Variants in GPC5 observed in about 807,000 individuals in gnomAD.
GPC5 encodes glypican 5.
Under a neutral mutation model 53.9 loss-of-function variants are expected in GPC5, and 47 were observed. That is an observed-to-expected ratio of 0.87 (90% confidence interval 0.69 to 1.11). The LOEUF (loss-of-function observed/expected upper bound fraction) is 1.11. Ranked by LOEUF, GPC5 falls within the 50% of genes most tolerant of loss-of-function variation. The probability of loss-of-function intolerance (pLI) is 0.00; values close to 1 mark genes in which losing one functional copy is unlikely to be tolerated. For synonymous variants in GPC5, 286 were observed against 263.3 expected (o/e 1.09, Z -0.84); for missense variants, 748 against 713.1 (o/e 1.05, Z -0.56).
chr13:91,987,518 G>C (rs2040419686), intron 6 of GPC5, among the ~76,000 whole-genome samples: 1 of 151,954 alleles, frequency 6.6e-6, no homozygotes, highest in Non-Finnish European at 1.5e-5. Context: ...GAGAAGTGTT[G>C]CTTTTTTATA....
In GPC5 at chr13:92,705,222, T is replaced by A. The variant is rs1176317349; in HGVS notation, c.1562-161060T>A. Among the ~76,000 whole-genome samples, 5 of 152,228 alleles carry A rather than the reference T, an allele frequency of 3.3e-5. No homozygotes were observed. The East Asian group carries it at 9.7e-4, about 29-fold the overall frequency. ...TTATTTAGCTATTCATTCAAATAAG[T>A]TTTGAATTTAGTGTAGTAAGGTAAA... On this transcript the variant is annotated intron_variant, in intron 7 of 7. Transcript: ENST00000377067.
At chr13:92,023,271 G>A (rs2040773838) in intron 6 of GPC5, among the ~76,000 whole-genome samples, 1 of 151,788 alleles carries the variant, frequency 6.6e-6, no homozygotes, top group African/African-American at 2.4e-5. Flanking sequence ...ATGAACAATT[G>A]GAAGACGTCA....
chr13:91,503,808 A>ATCATC (rs1566457644), intron 2 of GPC5, among the ~76,000 whole-genome samples: 1,534 of 145,092 alleles, frequency 0.011, 31 homozygotes, highest in African/African-American at 0.038. Context: ...TAATAATAAT[A>ATCATC]ATAATAATAA....
chr13:91,518,006 A>T (rs1030050196), intron 2 of GPC5, among the ~76,000 whole-genome samples: 1 of 152,226 alleles, frequency 6.6e-6, no homozygotes, highest in African/African-American at 2.4e-5. Context: ...ATTTCGGCGA[A>T]GACACAGCCA....
At chr13:92,396,631 C>G (rs1875290206) in intron 7 of GPC5, among the ~76,000 whole-genome samples, 1 of 152,148 alleles carries the variant, frequency 6.6e-6, no homozygotes, top group Admixed American at 6.5e-5. Flanking sequence ...CAACCCATCA[C>G]TTAGGCGTTA....
At chr13:92,188,039 T>C (rs912475304) in intron 7 of GPC5, among the ~76,000 whole-genome samples, 1 of 152,202 alleles carries the variant, frequency 6.6e-6, no homozygotes, top group Non-Finnish European at 1.5e-5. Context: ...GATATGACAG[T>C]ACCTACTTTG....
chr13:91,948,728 A>G lies in GPC5; in HGVS notation c.1401+40671A>G, dbSNP rs185437409. On this transcript the variant is annotated intron_variant, in intron 6 of 7. Coordinates refer to ENST00000377067, the MANE Select transcript of GPC5 (RefSeq NM_004466.6). ...ATGGCTAGATTTTGGCACATGTGAT[A>G]AGTACTTCAATCCATTTTGTAACAA... 2.6e-3 allele frequency among the ~76,000 whole-genome samples: 389 copies of G among 152,324 alleles called. 3 individuals are homozygous for G. Among genetic ancestry groups the G allele is most frequent in the Admixed American group, 4.0e-3 (61 of 15,298 alleles).
rs571557033 is a variant in GPC5, at chr13:91,426,078, G to T, written c.164-22683G>T. Among the ~76,000 whole-genome samples, 4 of 152,250 alleles carry T rather than the reference G, an allele frequency of 2.6e-5. No homozygotes were observed. In the South Asian group the frequency reaches 6.2e-4, roughly 24 times the overall value. On this transcript the variant is annotated intron_variant, in intron 1 of 7. Coordinates refer to ENST00000377067, the MANE Select transcript of GPC5 (RefSeq NM_004466.6). ...AACTTATCTTTAAAAGGGAAACAGA[G>T]CATAAAATGCTGGAAAATTTGCAGC...
At chr13:92,425,118 A>C (rs925459994) in intron 7 of GPC5, among the ~76,000 whole-genome samples, 14 of 151,934 alleles carry the variant, frequency 9.2e-5, no homozygotes, top group African/African-American at 3.4e-4. Context: ...CCTTCCCGTG[A>C]TGCCCATCAA....
At chr13:92,630,896 A>G (rs1885214127) in intron 7 of GPC5, among the ~76,000 whole-genome samples, 1 of 152,026 alleles carries the variant, frequency 6.6e-6, no homozygotes, top group Non-Finnish European at 1.5e-5. Flanking sequence ...ATTTCTCTTT[A>G]TGACACAAAT....
intron 6 of GPC5, among the ~76,000 whole-genome samples, chr13:92,139,685 A>AAAAT: frequency 6.7e-6 from 1 of 149,312 alleles, no homozygotes. Context: ...AAAAAAAAAA[A>AAAAT]GTGTTATATT....
At chr13:91,815,623 C>T (rs1327128008) in intron 5 of GPC5, among the ~76,000 whole-genome samples, 1 of 152,122 alleles carries the variant, frequency 6.6e-6, no homozygotes, top group Non-Finnish European at 1.5e-5. Context: ...GGTATCCTCC[C>T]TCCAGCTGCT....
At chr13:91,626,348 G>C (rs1353797640) in intron 2 of GPC5, among the ~76,000 whole-genome samples, 1 of 152,116 alleles carries the variant, frequency 6.6e-6, no homozygotes, top group Non-Finnish European at 1.5e-5. Context: ...TCCTTGCTCA[G>C]GCATGTACTG....
At chr13:91,988,548 C>T (rs994056983) in intron 6 of GPC5, among the ~76,000 whole-genome samples, 3 of 152,198 alleles carry the variant, frequency 2.0e-5, no homozygotes, top group Non-Finnish European at 4.4e-5. Flanking sequence ...AAGATCAGCG[C>T]TGTGAAAGGC....
chr13:92,705,781 C>A (rs1205455732), intron 7 of GPC5, among the ~76,000 whole-genome samples: 1 of 151,960 alleles, frequency 6.6e-6, no homozygotes, highest in African/African-American at 2.4e-5. Context: ...AGTGAGTTTG[C>A]AAGCTTTTAA....
chr13:92,850,472 C>A (rs1878756454), intron 7 of GPC5, among the ~76,000 whole-genome samples: 2 of 152,156 alleles, frequency 1.3e-5, no homozygotes, highest in East Asian at 1.9e-4. Flanking sequence ...TGGTGGTGGG[C>A]ACCTGTAGCA....
At chr13:91,643,190 G>A (rs1487946859) in intron 2 of GPC5, among the ~76,000 whole-genome samples, 2 of 152,166 alleles carry the variant, frequency 1.3e-5, no homozygotes, top group African/African-American at 2.4e-5. Context: ...GTACATTATA[G>A]GGTGGAGCAA....
intron 7 of GPC5, among the ~76,000 whole-genome samples, chr13:92,259,263 A>G (rs1440497596): frequency 6.6e-6 from 1 of 152,154 alleles, no homozygotes; most frequent in Non-Finnish European, 1.5e-5. Context: ...ATATTTAATT[A>G]TATTCAGTTT....
chr13:92,516,027 A>T (rs1049358003), intron 7 of GPC5, among the ~76,000 whole-genome samples: 2 of 152,136 alleles, frequency 1.3e-5, no homozygotes, highest in Non-Finnish European at 2.9e-5. Flanking sequence ...CTGTATTTTC[A>T]TATAACTATT....
Sources: allele counts gnomAD v4.1 joint callset (sites outside exome capture counted in the v4.1 genomes callset), GRCh38; gene constraint gnomAD v4.1.1; transcripts MANE v1.5; gene names NCBI Gene and HGNC (gene_info 2026-07-23, HGNC 2026-07-21).